Variants in APBA1 observed in about 807,000 individuals in gnomAD.
APBA1 encodes amyloid beta precursor protein binding family A member 1, also known as amyloid-beta A4 precursor protein-binding family A member 1.
In APBA1, 55 loss-of-function variants were observed where a neutral mutation model predicts 86.6. That is an observed-to-expected ratio of 0.64 (90% CI 0.51 to 0.80). The LOEUF is 0.80. Among genes scored for constraint, APBA1 ranks in the 30% least tolerant of loss-of-function variants. APBA1 has a pLI of 0.00. For missense variants in APBA1, 1,090 were observed against 1,183.0 expected, an observed-to-expected ratio of 0.92 and a Z score of 1.15; for synonymous variants, 511 against 493.9, an observed-to-expected ratio of 1.03 and a Z score of -0.46.
At chr9:69,589,769 T>G (rs1295644509) in intron 1 of APBA1, among the ~76,000 whole-genome samples, 1 of 152,198 alleles carries the variant, frequency 6.6e-6, no homozygotes, top group Admixed American at 6.5e-5. Context: ...CAATTTAAAC[T>G]GGGATTGGCT....
chr9:69,441,179 A>C, intron 10 of APBA1, 64 bp from the exon 11 acceptor site: 1 of 1,554,938 alleles, frequency 6.4e-7, no homozygotes. Flanking sequence ...AAACAAAAGC[A>C]GGCAGCACCA....
chr9:69,450,327 C>G (rs1470588393), intron 9 of APBA1, among the ~76,000 whole-genome samples: 2 of 152,094 alleles, frequency 1.3e-5, no homozygotes, highest in African/African-American at 4.8e-5. Flanking sequence ...AACCAAAAGG[C>G]TGGGTGTGCA....
chr9:69,459,854 T>C (rs190290383), intron 5 of APBA1, among the ~76,000 whole-genome samples: 3 of 152,380 alleles, frequency 2.0e-5, no homozygotes, highest in South Asian at 4.1e-4. Flanking sequence ...GCCTCATACA[T>C]TCTAAGCACT....
At chr9:69,510,179 CTCAGCCCAAAA>C (rs1836008141) in intron 2 of APBA1, among the ~76,000 whole-genome samples, 1 of 147,618 alleles carries the variant, frequency 6.8e-6, no homozygotes, top group Admixed American at 6.8e-5. Flanking sequence ...ACCCCACTGT[CTCAGCCCAAAA>C]TCTCCTTAAG....
At chr9:69,671,820 A>G (rs1454065390) in intron 1 of APBA1, among the ~76,000 whole-genome samples, 1 of 151,396 alleles carries the variant, frequency 6.6e-6, no homozygotes, top group East Asian at 2.0e-4. Flanking sequence ...CCGCCACCCC[A>G]TCCCCTCTGC....
At chr9:69,462,496 G>C (rs2133822150) in intron 5 of APBA1, 1 of 152,320 alleles carries the variant, frequency 6.6e-6, no homozygotes, top group South Asian at 2.1e-4. Context: ...ACATGTTCCA[G>C]AGAATACTAC....
At chr9:69,458,893 G>A (rs1448576612) in intron 5 of APBA1, among the ~76,000 whole-genome samples, 1 of 150,858 alleles carries the variant, frequency 6.6e-6, no homozygotes, top group African/African-American at 2.4e-5. Context: ...CGCAACCTCT[G>A]CCTCCCAGGA....
At chr9:69,641,077 A>G (rs1368335076) in intron 1 of APBA1, among the ~76,000 whole-genome samples, 2 of 152,210 alleles carry the variant, frequency 1.3e-5, no homozygotes, top group African/African-American at 4.8e-5. Flanking sequence ...CGAGGAATAT[A>G]CCAAAGTGAT....
intron 1 of APBA1, among the ~76,000 whole-genome samples, chr9:69,532,814 C>A (rs899143284): frequency 2.0e-5 from 3 of 152,178 alleles, no homozygotes; most frequent in African/African-American, 4.8e-5. Context: ...GATTTGCAAT[C>A]ATTAATTCTT....
rs184869124 is a variant in APBA1, at chr9:69,620,183, C to T, written c.-70+51970G>A. On this transcript the variant is annotated intron_variant, in intron 1 of 12. Coordinates refer to ENST00000265381, the MANE Select transcript of APBA1 (RefSeq NM_001163.4). ...GGTAGCTTCCAATTTCTCCTGAGGA[C>T]GGTCTAGTCGTTTTCTTTTTTTAAT... 7.2e-5 allele frequency among the ~76,000 whole-genome samples: 11 copies of T among 152,310 alleles called. No individual in the cohort carries two copies. In the South Asian group the frequency reaches 2.1e-3, roughly 29 times the overall value.
rs570375541 is a variant in APBA1 at position 69,462,063 on chromosome 9, T to C, written c.1483-3875A>G. 7.2e-5 allele frequency: 11 copies of C among 152,312 alleles called. No homozygotes were observed. The East Asian group carries it at 7.7e-4, about 11-fold the overall frequency. 9.4% of individuals were successfully genotyped at this position (152,312 alleles called of 1,614,324 possible). The stretch of plus-strand genomic sequence containing the variant: ...GGACAGGCTAGTTAAGATGAATATA[T>C]GAATATTTGATAATGAATGCAGCTT... On this transcript the variant is annotated intron_variant, in intron 5 of 12. Coordinates refer to ENST00000265381, the MANE Select transcript of APBA1 (RefSeq NM_001163.4).
At chr9:69,487,132 T>C (rs1192074746) in intron 2 of APBA1, among the ~76,000 whole-genome samples, 1 of 152,026 alleles carries the variant, frequency 6.6e-6, no homozygotes, top group Non-Finnish European at 1.5e-5. Flanking sequence ...CATTCTATTC[T>C]AGAAAGGCCT....
chr9:69,660,731 T>G (rs1344280295), intron 1 of APBA1, among the ~76,000 whole-genome samples: 1 of 152,226 alleles, frequency 6.6e-6, no homozygotes, highest in East Asian at 1.9e-4. Context: ...TAATCCTGAT[T>G]TACTCAATAA....
chr9:69,604,046 A>G (rs1266923341), intron 1 of APBA1, among the ~76,000 whole-genome samples: 1 of 152,232 alleles, frequency 6.6e-6, no homozygotes, highest in Non-Finnish European at 1.5e-5. Context: ...TGAATTCTAA[A>G]AGCTTTTTAA....
chr9:69,569,477 G>A (rs1191303994), intron 1 of APBA1, among the ~76,000 whole-genome samples: 1 of 151,082 alleles, frequency 6.6e-6, no homozygotes, highest in Non-Finnish European at 1.5e-5. Flanking sequence ...GTGTGTGTGT[G>A]TGTGTGTGTG....
intron 1 of APBA1, among the ~76,000 whole-genome samples, chr9:69,548,938 A>C (rs897764547): frequency 2.0e-5 from 3 of 152,218 alleles, no homozygotes; most frequent in Admixed American, 1.3e-4. Context: ...AGGCAGCAGG[A>C]CAGCTGAAGC....
At chr9:69,648,096 G>A (rs980751623) in intron 1 of APBA1, among the ~76,000 whole-genome samples, 4 of 152,214 alleles carry the variant, frequency 2.6e-5, no homozygotes, top group African/African-American at 9.7e-5. Flanking sequence ...CAGATGAAGG[G>A]CTGGTTACCT....
chr9:69,621,053 T>G (rs1588397126), intron 1 of APBA1, among the ~76,000 whole-genome samples: 1 of 152,220 alleles, frequency 6.6e-6, no homozygotes, highest in East Asian at 1.9e-4. Context: ...CTCTCAGTGC[T>G]TCAGTTTCCT....
chr9:69,560,259 T>A (rs1836928336), intron 1 of APBA1, among the ~76,000 whole-genome samples: 1 of 152,238 alleles, frequency 6.6e-6, no homozygotes, highest in African/African-American at 2.4e-5. Context: ...TTATTATGAC[T>A]TTTTAAAAAG....
Sources: allele counts gnomAD v4.1 joint callset (sites outside exome capture counted in the v4.1 genomes callset), GRCh38; gene constraint gnomAD v4.1.1; transcripts MANE v1.5; gene names NCBI Gene and HGNC (gene_info 2026-07-23, HGNC 2026-07-21).